The following DAB1 variants were observed in gnomAD, a reference collection of about 807,000 sequenced individuals.
DAB1 encodes the protein DAB adaptor protein 1, also known as disabled homolog 1.
A neutral mutation model predicts 64.6 loss-of-function variants in DAB1; 15 were observed. The ratio of observed to expected loss-of-function variants is 0.23; its 90% confidence interval spans 0.16 to 0.36. The LOEUF (loss-of-function observed/expected upper bound fraction) is 0.36, where lower values mean the gene tolerates loss of function less well. DAB1 is among the 10% of genes least tolerant of loss of function. DAB1 has a pLI of 1.00. For synonymous variants in DAB1, 235 were observed against 251.9 expected (o/e 0.93, Z 0.64); for missense variants, 596 against 706.7 (o/e 0.84, Z 1.78).
intron 1 of DAB1, among the ~76,000 whole-genome samples, chr1:57,389,578 T>A (rs1352925435): frequency 7.9e-5 from 12 of 152,158 alleles, no homozygotes; most frequent in Admixed American, 7.9e-4. Context: ...TATCCTATTA[T>A]CCTAACATCC....
intron 1 of DAB1, among the ~76,000 whole-genome samples, chr1:58,546,249 A>T (rs1646702198): frequency 6.6e-6 from 1 of 152,210 alleles, no homozygotes; most frequent in Non-Finnish European, 1.5e-5. Context: ...GGTGAAAGAG[A>T]CGAATGCCCG....
At chr1:57,615,440 G>A (rs1645780688) in intron 7 of DAB1, among the ~76,000 whole-genome samples, 1 of 152,190 alleles carries the variant, frequency 6.6e-6, no homozygotes, top group Non-Finnish European at 1.5e-5. Context: ...AAGCTGGAAG[G>A]AGCCTGGATT....
chr1:57,461,087 G>A (rs1686765200), intron 7 of DAB1, among the ~76,000 whole-genome samples: 1 of 152,148 alleles, frequency 6.6e-6, no homozygotes, highest in Non-Finnish European at 1.5e-5. Flanking sequence ...TTTGTTCTCA[G>A]GTAGAAATAG....
At chr1:57,830,296 T>C (rs566786123) in intron 1 of DAB1, among the ~76,000 whole-genome samples, 1 of 152,328 alleles carries the variant, frequency 6.6e-6, no homozygotes, top group East Asian at 1.9e-4. Flanking sequence ...ATTAACACGT[T>C]CTTACTCCCT....
intron 1 of DAB1, among the ~76,000 whole-genome samples, chr1:57,327,247 C>G (rs1676243059): frequency 6.6e-6 from 1 of 152,056 alleles, no homozygotes. Context: ...GGCCTACACA[C>G]AGAGCCCTCT....
chr1:57,604,514 G>A (rs183603301), intron 7 of DAB1, among the ~76,000 whole-genome samples: 21 of 152,182 alleles, frequency 1.4e-4, no homozygotes, highest in East Asian at 1.9e-4. Flanking sequence ...TTATTCCAGC[G>A]GAGATCTCAG....
At chr1:58,498,670 AT>A (rs1440602149) in intron 3 of DAB1, among the ~76,000 whole-genome samples, 1 of 152,332 alleles carries the variant, frequency 6.6e-6, no homozygotes, top group East Asian at 1.9e-4. Flanking sequence ...TCTTGCCTAT[AT>A]AACTATGTTT....
intron 4 of DAB1, among the ~76,000 whole-genome samples, chr1:57,113,114 T>C (rs1291177884): frequency 6.6e-6 from 1 of 152,194 alleles, no homozygotes; most frequent in Non-Finnish European, 1.5e-5. Context: ...AGCCACAGGC[T>C]CTGAGAATGG....
At chr1:58,034,218 G>T (rs1647011653) in intron 5 of DAB1, among the ~76,000 whole-genome samples, 1 of 152,184 alleles carries the variant, frequency 6.6e-6, no homozygotes, top group African/African-American at 2.4e-5. Context: ...TATTTGAACT[G>T]CTCCTACGAA....
chr1:57,641,491 C>A (rs1371385860), intron 7 of DAB1, among the ~76,000 whole-genome samples: 1 of 145,326 alleles, frequency 6.9e-6, no homozygotes, highest in African/African-American at 2.5e-5. Context: ...TTACGCCATT[C>A]TCCTGCCTCA....
chr1:58,172,299 A>T (rs1218244557), intron 4 of DAB1, among the ~76,000 whole-genome samples: 1 of 152,220 alleles, frequency 6.6e-6, no homozygotes, highest in Non-Finnish European at 1.5e-5. Context: ...GGCATACCTA[A>T]GTAAGGAAAT....
intron 7 of DAB1, among the ~76,000 whole-genome samples, chr1:57,538,890 C>A (rs753963068): frequency 7.2e-5 from 11 of 152,174 alleles, no homozygotes; most frequent in Non-Finnish European, 1.5e-4. Flanking sequence ...TCACAAAGAC[C>A]TAAGGAGCAT....
At chr1:57,897,366 A>G (rs1644406376) in intron 5 of DAB1, among the ~76,000 whole-genome samples, 1 of 152,172 alleles carries the variant, frequency 6.6e-6, no homozygotes, top group Admixed American at 6.6e-5. Context: ...TGTGGAAACC[A>G]TGGCCCAATT....
intron 7 of DAB1, among the ~76,000 whole-genome samples, chr1:57,474,319 A>G (rs953362809): frequency 2.6e-5 from 4 of 152,196 alleles, no homozygotes; most frequent in African/African-American, 9.7e-5. Flanking sequence ...TGCTAGGAAA[A>G]TGAATGATGC....
At chr1:57,467,303 A>G (rs1412234437) in intron 7 of DAB1, among the ~76,000 whole-genome samples, 1 of 152,198 alleles carries the variant, frequency 6.6e-6, no homozygotes, top group Non-Finnish European at 1.5e-5. Context: ...AGAGCCTTAT[A>G]CAATGCTTAA....
rs548252707 is a variant in DAB1, at chr1:58,442,727, A to G, written n.257+63333T>C. 2.0e-5 allele frequency among the ~76,000 whole-genome samples: 3 copies of G among 152,210 alleles called. No homozygotes were observed. In the East Asian group the frequency reaches 5.8e-4, roughly 29 times the overall value. On this transcript the variant is annotated intron_variant and non_coding_transcript_variant, in intron 3 of 20. Transcript: ENST00000485760. ...TCTGACCTCTCTTTTGAATTTTAAAATGGGAATATGGGCCTGGCATTGTGA... is the reference window on the plus strand; with the variant it reads ...TCTGACCTCTCTTTTGAATTTTAAAGTGGGAATATGGGCCTGGCATTGTGA...
At chr1:57,207,383 A>G (rs1193062525) in intron 2 of DAB1, among the ~76,000 whole-genome samples, 1 of 151,066 alleles carries the variant, frequency 6.6e-6, no homozygotes, top group Non-Finnish European at 1.5e-5. Flanking sequence ...AGCAGAAAAT[A>G]CTTTCATGTT....
intron 5 of DAB1, among the ~76,000 whole-genome samples, chr1:57,919,624 T>C (rs1278996915): frequency 6.6e-6 from 1 of 152,188 alleles, no homozygotes; most frequent in Non-Finnish European, 1.5e-5. Context: ...ACAAAGAATC[T>C]TTTTGAGCTC....
At chr1:57,631,061 C>A (rs927455423) in intron 7 of DAB1, among the ~76,000 whole-genome samples, 1 of 152,090 alleles carries the variant, frequency 6.6e-6, no homozygotes, top group Non-Finnish European at 1.5e-5. Flanking sequence ...ATCAGAGCCA[C>A]CAACTACACA....
Sources: allele counts gnomAD v4.1 joint callset (sites outside exome capture counted in the v4.1 genomes callset), GRCh38; gene constraint gnomAD v4.1.1; transcripts MANE v1.5; gene names NCBI Gene and HGNC (gene_info 2026-07-23, HGNC 2026-07-21).